The following DNM3 variants were observed in gnomAD, a reference collection of about 807,000 sequenced individuals.
The protein encoded by DNM3 is dynamin-3.
A neutral mutation model predicts 101.6 loss-of-function variants in DNM3; 47 were observed. The observed-to-expected ratio is 0.46, with a 90% CI of 0.37 to 0.59. The LOEUF is 0.59. DNM3 is among the 20% of genes least tolerant of loss of function. DNM3 has a pLI of 0.00. For missense variants in DNM3, 849 were observed against 1,085.7 expected, an observed-to-expected ratio of 0.78 and a Z score of 3.06; for synonymous variants, 385 against 387.9, an observed-to-expected ratio of 0.99 and a Z score of 0.09.
At chr1:172,198,606 G>C (rs1427036213) in intron 14 of DNM3, among the ~76,000 whole-genome samples, 1 of 151,972 alleles carries the variant, frequency 6.6e-6, no homozygotes, top group Admixed American at 6.6e-5. Flanking sequence ...CTGTTGGTCT[G>C]TTCGGAGAAT....
chr1:172,326,470 T>G (rs2065941582), intron 17 of DNM3, among the ~76,000 whole-genome samples: 1 of 152,158 alleles, frequency 6.6e-6, no homozygotes, highest in Admixed American at 6.5e-5. Flanking sequence ...GGGAGGTTAT[T>G]TTGTTTTTTA....
chr1:172,317,778 A>G (rs1488812529), intron 16 of DNM3, among the ~76,000 whole-genome samples: 1 of 152,254 alleles, frequency 6.6e-6, no homozygotes. Context: ...GTCCAGGACC[A>G]GATGGATTCA....
chr1:172,298,348 G>T (rs1483862982), intron 15 of DNM3, among the ~76,000 whole-genome samples: 2 of 152,166 alleles, frequency 1.3e-5, no homozygotes, highest in Admixed American at 1.3e-4. Context: ...CACAAGTGTG[G>T]GAAGGCACAG....
chr1:172,326,760 GC>G (rs1268269382), intron 17 of DNM3, among the ~76,000 whole-genome samples: 1 of 151,874 alleles, frequency 6.6e-6, no homozygotes, highest in African/African-American at 2.4e-5. Context: ...TATATCAAAA[GC>G]CCTAAAAGTT....
intron 17 of DNM3, among the ~76,000 whole-genome samples, chr1:172,371,854 A>G (rs953177047): frequency 6.9e-6 from 1 of 145,604 alleles, no homozygotes; most frequent in Admixed American, 6.8e-5. Context: ...TTTTATTTTT[A>G]TTTATTTTTA....
At chr1:172,115,470 C>A (rs933617289) in intron 13 of DNM3, among the ~76,000 whole-genome samples, 1 of 152,198 alleles carries the variant, frequency 6.6e-6, no homozygotes, top group Non-Finnish European at 1.5e-5. Flanking sequence ...CTGTTCAAAA[C>A]CCTCTAGTGA....
At chr1:172,240,746 C>T (rs1205975466) in intron 14 of DNM3, among the ~76,000 whole-genome samples, 1 of 152,100 alleles carries the variant, frequency 6.6e-6, no homozygotes, top group Non-Finnish European at 1.5e-5. Flanking sequence ...TTTGTCTTTG[C>T]ATTTTAATAA....
At chr1:172,339,075 G>T (rs757399593) in intron 17 of DNM3, 1 of 491,202 alleles carries the variant, frequency 2.0e-6, no homozygotes, top group East Asian at 5.6e-5. Flanking sequence ...TACTATTGAA[G>T]AAAAGTTGGG....
intron 12 of DNM3, among the ~76,000 whole-genome samples, chr1:172,091,640 G>A (rs1188803419): frequency 6.6e-6 from 1 of 152,184 alleles, no homozygotes; most frequent in Non-Finnish European, 1.5e-5. Context: ...AGGAGGAGAT[G>A]AGTCAAAGAG....
chr1:171,932,437 G>A, intron 2 of DNM3, among the ~76,000 whole-genome samples: 1 of 151,844 alleles, frequency 6.6e-6, no homozygotes, highest in Non-Finnish European at 1.5e-5. Context: ...GGGATTACAG[G>A]CATGAGCCAC....
At chr1:171,942,468 G>A (rs1224516813) in intron 2 of DNM3, among the ~76,000 whole-genome samples, 1 of 151,992 alleles carries the variant, frequency 6.6e-6, no homozygotes, top group African/African-American at 2.4e-5. Context: ...AACGTAAGTG[G>A]TACACCAGTG....
At chr1:172,228,299 G>A (rs935088006) in intron 14 of DNM3, among the ~76,000 whole-genome samples, 2 of 151,848 alleles carry the variant, frequency 1.3e-5, no homozygotes, top group African/African-American at 4.8e-5. Flanking sequence ...TATTTTGTGG[G>A]GAAGGGTAGA....
At chr1:172,100,720 C>T (rs1187308199) in intron 13 of DNM3, among the ~76,000 whole-genome samples, 1 of 152,178 alleles carries the variant, frequency 6.6e-6, no homozygotes, top group Non-Finnish European at 1.5e-5. Flanking sequence ...TGAATGAACA[C>T]TTCAGGGATA....
chr1:172,232,844 G>A (rs567422668), intron 14 of DNM3, among the ~76,000 whole-genome samples: 4 of 152,120 alleles, frequency 2.6e-5, no homozygotes, highest in Non-Finnish European at 4.4e-5. Context: ...AACCAACGAG[G>A]ACAAAGGCAC....
intron 20 of DNM3, among the ~76,000 whole-genome samples, chr1:172,392,476 AG>A (rs1403157609): frequency 6.6e-6 from 1 of 152,226 alleles, no homozygotes; most frequent in Admixed American, 6.5e-5. Flanking sequence ...CCACCTCTTT[AG>A]GGTTCCTATT....
chr1:172,373,634 T>TTTTA (rs2068461663), intron 17 of DNM3, among the ~76,000 whole-genome samples: 1 of 152,118 alleles, frequency 6.6e-6, no homozygotes, highest in African/African-American at 2.4e-5. Context: ...CTTTATAAAA[T>TTTTA]GTAGACAAAT....
In DNM3 at chr1:172,009,808, A is replaced by C. The variant is rs115085382; in HGVS notation, c.589+20660A>C. ...ATTTTATTAAATGTATAACGGTAGAAGTACTATTATTGGATGATGTGTTCT... is the reference window on the plus strand; with the variant it reads ...ATTTTATTAAATGTATAACGGTAGACGTACTATTATTGGATGATGTGTTCT... On this transcript the variant is annotated intron_variant, in intron 4 of 20. Transcript: ENST00000627582. Among the ~76,000 whole-genome samples the C allele has an allele frequency of 6.4e-3, 968 of 151,858 alleles. 18 individuals are homozygous for C. Among genetic ancestry groups the C allele is most frequent in the African/African-American group, 0.022 (917 of 41,472 alleles).
In DNM3 at chr1:172,023,497, C is replaced by T. The variant is rs376181138; in HGVS notation, c.590-8905C>T. ...ACATTGCTCTATTGTTTTTTAGTTT[C>T]CAGTTTGCTGCTAGGAAGACTGATG... On this transcript the variant is annotated intron_variant, in intron 4 of 20. Coordinates refer to ENST00000627582, the MANE Select transcript of DNM3 (RefSeq NM_015569.5). Among the ~76,000 whole-genome samples, 21 of 152,194 alleles carry T rather than the reference C, an allele frequency of 1.4e-4. No individual in the cohort carries two copies. In the East Asian group the frequency reaches 3.3e-3, roughly 24 times the overall value.
chr1:172,188,339 G>T (rs1049000524), intron 14 of DNM3, among the ~76,000 whole-genome samples: 1 of 152,132 alleles, frequency 6.6e-6, no homozygotes, highest in Non-Finnish European at 1.5e-5. Flanking sequence ...TCAGCCTCCT[G>T]AGTAGCTGGG....
Sources: allele counts gnomAD v4.1 joint callset (sites outside exome capture counted in the v4.1 genomes callset), GRCh38; gene constraint gnomAD v4.1.1; transcripts MANE v1.5; gene names NCBI Gene and HGNC (gene_info 2026-07-23, HGNC 2026-07-21).